MYSM1: variants seen among roughly 807,000 people sequenced by gnomAD.
MYSM1 encodes deubiquitinase MYSM1.
A neutral mutation model predicts 116.0 loss-of-function variants in MYSM1; 51 were observed. The observed-to-expected ratio is 0.44, with a 90% CI of 0.35 to 0.56. MYSM1 has a LOEUF of 0.56. Ranked by LOEUF, MYSM1 falls within the 20% of genes least tolerant of loss-of-function variation. The pLI is 0.00. For missense variants in MYSM1, 900 were observed against 974.9 expected, an observed-to-expected ratio of 0.92 and a Z score of 1.02; for synonymous variants, 313 against 315.2, an observed-to-expected ratio of 0.99 and a Z score of 0.07.
intron 12 of MYSM1, among the ~76,000 whole-genome samples, 181 bp from the exon 13 acceptor site, chr1:58,669,219 C>CA (rs68056344): frequency 5.5e-4 from 82 of 148,526 alleles, no homozygotes; most frequent in South Asian, 8.5e-4. Flanking sequence ...TTAACAAGAA[C>CA]AAAAAAAAAA....
intron 6 of MYSM1, among the ~76,000 whole-genome samples, chr1:58,687,255 ATC>A (rs911613129): frequency 3.3e-5 from 5 of 152,204 alleles, no homozygotes; most frequent in Non-Finnish European, 7.3e-5. Context: ...AGGTCTACAT[ATC>A]TCTATATAAA....
At position 58,673,630 on chromosome 1, in the gene MYSM1, G is replaced by A. The variant is rs745439279; in HGVS notation, c.1515C>T (p.Val505=). Residue 505 remains valine (V), a synonymous_variant, in exon 11 of 20, where the codon GTC becomes GTT. Coordinates refer to ENST00000472487, the MANE Select transcript of MYSM1 (RefSeq NM_001085487.3). ...LQSMRTRRRR[V]RDPWGNWCDA... is the part of the protein sequence containing the mutation. ...CACACCAGTTTCCCCATGGGTCTCG[G>A]ACCCTACGTCTCCTTGTACGCTGCG... is the stretch of plus-strand genomic sequence containing the variant. 6.2e-7 allele frequency: 1 copy of A among 1,613,970 alleles called. No individual in the cohort carries two copies. The highest frequency in any genetic ancestry group is 8.5e-7 in the Non-Finnish European group (1 of 1,179,924).
chr1:58,659,941 A>T lies in MYSM1; in HGVS notation c.*56T>A. On this transcript the variant is annotated 3_prime_UTR_variant, in exon 20 of 20. Transcript: ENST00000472487. ...TTAACTACAATCACTTCAAGTTTAT[A>T]ACTTTGAAAGTAAGATCTACTGTGT... is the stretch of plus-strand genomic sequence containing the variant. The T allele has an allele frequency of 1.7e-6, 2 of 1,180,508 alleles. No homozygotes were observed. 73.1% of individuals were successfully genotyped at this position (1,180,508 alleles called of 1,614,324 possible).
Position 58,681,932 on chromosome 1 carries a change from T to A in MYSM1, c.1112A>T (p.Glu371Val). 1.2e-6 allele frequency: 2 copies of A among 1,614,134 alleles called. No homozygotes were observed. The highest frequency in any genetic ancestry group is 2.2e-5 in the South Asian group (2 of 91,056). Residue 371 changes from glutamate (E) to valine (V), a missense_variant, in exon 8 of 20, where the codon GAG becomes GTG. Transcript: ENST00000472487. ...QMVEESHEEE[E>V]LKPPEQEIEI... ...TATTTCCTGTTCTGGTGGCTTAAGC[T>A]CTTCTTCCTCATGGCTTTCCTCTAC...
rs1010680089 is a variant in MYSM1, at chr1:58,657,365, G to A, written c.*2632C>T. ...CTCCACTTCTGTAAACATTATTAAAGGCAGGTGTTCCTTTGAGACTCTGCC... is the reference window on the plus strand; with the variant it reads ...CTCCACTTCTGTAAACATTATTAAAAGCAGGTGTTCCTTTGAGACTCTGCC... On this transcript the variant is annotated 3_prime_UTR_variant, in exon 20 of 20. Transcript: ENST00000472487. 4 of 152,048 alleles carry A rather than the reference G, an allele frequency of 2.6e-5. No homozygotes were observed. Among genetic ancestry groups the A allele is most frequent in the African/African-American group, 9.7e-5 (4 of 41,384 alleles). The allele number at this position is 152,048 out of a possible 1,614,324, so 9.4% of individuals were successfully genotyped here.
chr1:58,692,736 T>C, intron 3 of MYSM1, 125 bp downstream of exon 3: 1 of 598,654 alleles, frequency 1.7e-6, no homozygotes, highest in South Asian at 2.8e-5. Context: ...TAACATGAAA[T>C]TATATAATAG....
At chr1:58,678,059 T>G (rs547953248) in intron 8 of MYSM1, among the ~76,000 whole-genome samples, 15 of 152,158 alleles carry the variant, frequency 9.9e-5, no homozygotes, top group Non-Finnish European at 2.1e-4. Flanking sequence ...TACATTCTAA[T>G]GGGAGGGACT....
chr1:58,696,193 G>A (rs1410449088), intron 1 of MYSM1, among the ~76,000 whole-genome samples: 1 of 152,206 alleles, frequency 6.6e-6, no homozygotes, highest in Non-Finnish European at 1.5e-5. Flanking sequence ...AAAGGATTCT[G>A]AGACTTTTAT....
rs752437912 is a variant in MYSM1 at position 58,667,823 on chromosome 1, A to G, written c.1842+24T>C. The G allele has an allele frequency of 4.3e-5, 63 of 1,464,248 alleles. No individual in the cohort carries two copies. In the East Asian group the frequency reaches 1.4e-3, roughly 32 times the overall value. The allele number at this position is 1,464,248 out of a possible 1,614,324, so 90.7% of individuals were successfully genotyped here. On this transcript the variant is annotated intron_variant, in intron 15 of 19. Coordinates refer to ENST00000472487, the MANE Select transcript of MYSM1 (RefSeq NM_001085487.3). ...GGTAGTAGGACTAAATAACTAAAAC[A>G]TTTTTTTAAAAGAGAGAACTTACTT...
intron 6 of MYSM1, 62 bp downstream of exon 6, chr1:58,688,976 T>C: frequency 7.0e-7 from 1 of 1,431,144 alleles, no homozygotes; most frequent in Non-Finnish European, 9.6e-7. Context: ...TTTAACCTTA[T>C]AACTTTACCA....
intron 19 of MYSM1, among the ~76,000 whole-genome samples, chr1:58,660,383 G>A (rs1644373212): frequency 6.6e-6 from 1 of 152,096 alleles, no homozygotes. Context: ...TTTTACATAA[G>A]GAGACAAACC....
chr1:58,666,254 C>G (rs1416667913), intron 16 of MYSM1, among the ~76,000 whole-genome samples: 1 of 152,178 alleles, frequency 6.6e-6, no homozygotes, highest in Non-Finnish European at 1.5e-5. Flanking sequence ...ATCTGTAATT[C>G]TTATCAATAC....
Position 58,687,238 on chromosome 1 carries a change from T to C in MYSM1, c.399+1800A>G, listed in dbSNP as rs150884141. The stretch of plus-strand genomic sequence containing the variant: ...AGTTTAAAATCTCCCTTAATGTAAA[T>C]AGACAGAGGTCTACATATCTCTATA... On this transcript the variant is annotated intron_variant, in intron 6 of 19. Coordinates refer to ENST00000472487, the MANE Select transcript of MYSM1 (RefSeq NM_001085487.3). 6.5e-4 allele frequency among the ~76,000 whole-genome samples: 99 copies of C among 152,234 alleles called. 1 individual carries two copies. In the East Asian group the frequency reaches 0.013, roughly 20 times the overall value.
chr1:58,659,946 T>G lies in MYSM1; in HGVS notation c.*51A>C, dbSNP rs766305914. On this transcript the variant is annotated 3_prime_UTR_variant, in exon 20 of 20. Transcript: ENST00000472487. ...TACAATCACTTCAAGTTTATAACTTTGAAAGTAAGATCTACTGTGTCAAGA... is the reference window on the plus strand; with the variant it reads ...TACAATCACTTCAAGTTTATAACTTGGAAAGTAAGATCTACTGTGTCAAGA... 5.2e-4 allele frequency: 631 copies of G among 1,208,126 alleles called. No individual in the cohort carries two copies. The highest frequency in any genetic ancestry group is 6.7e-4 in the Non-Finnish European group (610 of 904,190). 74.8% of individuals were successfully genotyped at this position (1,208,126 alleles called of 1,614,324 possible).
intron 8 of MYSM1, among the ~76,000 whole-genome samples, chr1:58,680,221 A>G (rs1027625813): frequency 2.7e-4 from 41 of 152,054 alleles, no homozygotes; most frequent in Non-Finnish European, 1.9e-4. Flanking sequence ...ATGTAGAATA[A>G]AAGAGTGATT....
rs1192083556 is a variant in MYSM1, at chr1:58,673,623, G to A, written c.1522C>T (p.Pro508Ser). Reference sequence around the variant, plus strand: ...TTTGCATCACACCAGTTTCCCCATGGGTCTCGGACCCTACGTCTCCTTGTA... The same window carrying A: ...TTTGCATCACACCAGTTTCCCCATGAGTCTCGGACCCTACGTCTCCTTGTA... ...MRTRRRRVRD[P>S]WGNWCDAKDL... The change falls in exon 11 of 20, where the codon CCA becomes TCA. Residue 508 changes from proline to serine, a missense_variant. Physicochemically the swap from Pro to Ser is moderately conservative, Grantham distance 74. Around this residue, in one of 3 missense-constraint regions of MYSM1, gnomAD observed 622 missense variants for 623.7 expected, o/e 1.00. Coordinates refer to ENST00000472487, the MANE Select transcript of MYSM1 (RefSeq NM_001085487.3). 6.2e-7 allele frequency: 1 copy of A among 1,613,866 alleles called. No individual in the cohort carries two copies. The highest frequency in any genetic ancestry group is 8.5e-7 in the Non-Finnish European group (1 of 1,179,932).
intron 2 of MYSM1, 136 bp from the exon 3 acceptor site, chr1:58,693,067 G>A (rs1248511209): frequency 1.7e-5 from 11 of 644,356 alleles, no homozygotes; most frequent in Non-Finnish European, 2.8e-5. Context: ...ACATATTTTT[G>A]ATTACCACAG....
At chr1:58,680,824 ATTTT>A (rs11460082) in intron 8 of MYSM1, among the ~76,000 whole-genome samples, 1 of 145,766 alleles carries the variant, frequency 6.9e-6, no homozygotes, top group Non-Finnish European at 1.5e-5. Flanking sequence ...TTTAAAAATA[ATTTT>A]TTTTTTTTTT....
At chr1:58,670,677 C>T (rs662989) in intron 12 of MYSM1, among the ~76,000 whole-genome samples, 3 of 152,030 alleles carry the variant, frequency 2.0e-5, no homozygotes, top group Non-Finnish European at 4.4e-5. Context: ...AAGATATATG[C>T]GTTAATTGTG....
Sources: gnomAD v4.1 joint callset for allele counts (sites outside exome capture counted in the v4.1 genomes callset) on GRCh38, gnomAD v4.1.1 for gene constraint, gnomAD v4.1.1 regional missense constraint, MANE v1.5 for transcripts, NCBI Gene and HGNC (gene_info 2026-07-23, HGNC 2026-07-21) for gene names.